Variants in RANBP2 observed in about 807,000 individuals in gnomAD.
RANBP2 encodes the protein RAN binding protein 2, also known as E3 SUMO-protein ligase RanBP2.
RANBP2 carries 57 observed loss-of-function variants against 303.6 expected under a neutral mutation model. The observed-to-expected ratio is 0.19, with a 90% confidence interval of 0.15 to 0.23. The LOEUF is 0.23. RANBP2 is among the 10% of genes least tolerant of loss of function. The pLI, the probability that RANBP2 is intolerant of heterozygous loss-of-function variation, is 1.00. For missense variants in RANBP2, 3,138 were observed against 3,780.8 expected, an observed-to-expected ratio of 0.83 and a Z score of 4.46; for synonymous variants, 1,167 against 1,301.5, an observed-to-expected ratio of 0.90 and a Z score of 2.23.
the RANBP2 span, among the ~76,000 whole-genome samples, chr2:109,720,929 T>C: frequency 6.6e-6 from 1 of 152,150 alleles, no homozygotes; most frequent in African/African-American, 2.4e-5. Flanking sequence ...TGGGCACCTT[T>C]CTAGCTAGGC....
At chr2:109,589,866 T>A in the RANBP2 span, among the ~76,000 whole-genome samples, 94 of 152,024 alleles carry the variant, frequency 6.2e-4, no homozygotes, top group Non-Finnish European at 7.8e-4. Context: ...ATCAAACAAG[T>A]GGTGAATAGA....
rs748872745 is a variant in RANBP2 at position 108,782,390 on chromosome 2, C to T, written c.9023C>T (p.Ser3008Leu). The T allele has an allele frequency of 1.2e-6, 2 of 1,613,982 alleles. No individual in the cohort carries two copies. Among genetic ancestry groups the T allele is most frequent in the Admixed American group, 1.7e-5 (1 of 60,030 alleles). The stretch of plus-strand genomic sequence containing the variant: ...AATAATGCTTTAGTTTGGACTGCCT[C>T]AGATTATGCTGGTGAGTTTTTACAT... ...VSNNALVWTA[S>L]DYADGEAKVE... The change falls in exon 27 of 29, where the codon TCA becomes TTA. Residue 3008 changes from serine (S) to leucine (L), a missense_variant. Physicochemically the swap from Ser to Leu is moderately radical, Grantham distance 145. Around this residue, in one of 20 missense-constraint regions of RANBP2, gnomAD observed 204 missense variants for 228.4 expected, o/e 0.89. Coordinates refer to ENST00000283195, the MANE Select transcript of RANBP2 (RefSeq NM_006267.5).
chr2:109,237,702 A>C, the RANBP2 span, among the ~76,000 whole-genome samples: 20 of 152,172 alleles, frequency 1.3e-4, no homozygotes, highest in Non-Finnish European at 2.8e-4. Flanking sequence ...AAGACAAAAG[A>C]TTGGACACTC....
the RANBP2 span, among the ~76,000 whole-genome samples, chr2:109,214,619 T>C: frequency 6.6e-6 from 1 of 152,034 alleles, no homozygotes; most frequent in African/African-American, 2.4e-5. Context: ...GAGGAGGACA[T>C]CTGAACAGCC....
the RANBP2 span, among the ~76,000 whole-genome samples, chr2:109,371,862 G>A: frequency 3.1e-4 from 47 of 152,344 alleles, no homozygotes; most frequent in Non-Finnish European, 6.2e-4. Context: ...AGTGCTGTGA[G>A]CACTGCCTTG....
At chr2:109,614,541 G>A in the RANBP2 span, 1 of 1,313,676 alleles carries the variant, frequency 7.6e-7, no homozygotes, top group Non-Finnish European at 9.6e-7. Flanking sequence ...CCCCGAGGCG[G>A]TGCTGCGCTT....
chr2:109,545,875 T>G, the RANBP2 span: 1 of 1,448,182 alleles, frequency 6.9e-7, no homozygotes, highest in Non-Finnish European at 9.1e-7. Flanking sequence ...TTCTGGATGC[T>G]GGGGAAACAG....
the RANBP2 span, among the ~76,000 whole-genome samples, chr2:109,178,576 C>T: frequency 0.29 from 43,940 of 152,022 alleles, 6,802 homozygotes; most frequent in East Asian, 0.42. Context: ...CCTTTGGACT[C>T]AAATACGTTA....
chr2:109,598,455 G>A, the RANBP2 span, among the ~76,000 whole-genome samples: 5 of 152,144 alleles, frequency 3.3e-5, no homozygotes, highest in African/African-American at 1.2e-4. Flanking sequence ...TTTTTAAACT[G>A]TCCCTTGGGA....
At chr2:109,053,538 A>G in the RANBP2 span, among the ~76,000 whole-genome samples, 1 of 152,182 alleles carries the variant, frequency 6.6e-6, no homozygotes, top group African/African-American at 2.4e-5. Flanking sequence ...GCCCTTTCAG[A>G]CCAGACTTTC....
At chr2:108,998,930 A>AG in the RANBP2 span, among the ~76,000 whole-genome samples, 80 of 152,324 alleles carry the variant, frequency 5.3e-4, 1 homozygote, top group East Asian at 0.015. Context: ...GTTCCCTGCT[A>AG]GCCTCACTGT....
At chr2:108,787,401 T>A (rs570616712), downstream of RANBP2, among the ~76,000 whole-genome samples, 8 of 152,338 alleles carry the variant, frequency 5.3e-5, no homozygotes, top group African/African-American at 1.4e-4. Flanking sequence ...CCCTTTGAAC[T>A]ATTTGAGGGT....
chr2:108,750,891 T>G (rs1198612445), intron 9 of RANBP2, among the ~76,000 whole-genome samples: 1 of 152,236 alleles, frequency 6.6e-6, no homozygotes, highest in Non-Finnish European at 1.5e-5. Context: ...TGGATTAATA[T>G]AGTGGTGTTC....
chr2:109,041,506 A>G, the RANBP2 span, among the ~76,000 whole-genome samples: 1 of 148,118 alleles, frequency 6.8e-6, no homozygotes, highest in Non-Finnish European at 1.5e-5. Context: ...TTTTAAAAAT[A>G]TATAATTAAC....
the RANBP2 span, among the ~76,000 whole-genome samples, chr2:109,154,656 G>T: frequency 1.3e-5 from 2 of 152,302 alleles, no homozygotes; most frequent in Non-Finnish European, 2.9e-5. Context: ...AATACTTTTG[G>T]CCTTGCTGTA....
At chr2:109,285,033 G>C in the RANBP2 span, among the ~76,000 whole-genome samples, 1 of 152,212 alleles carries the variant, frequency 6.6e-6, no homozygotes, top group Non-Finnish European at 1.5e-5. Flanking sequence ...CTGTGCCGCG[G>C]GGCCTCTGCT....
At chr2:108,772,847 T>C (rs1677606706) in intron 22 of RANBP2, 21 bp from the exon 23 acceptor site, 1 of 1,611,874 alleles carries the variant, frequency 6.2e-7, no homozygotes, top group African/African-American at 1.3e-5. Flanking sequence ...TTCGTTTGCT[T>C]GTGTTGTACT....
chr2:109,375,543 T>G, the RANBP2 span, among the ~76,000 whole-genome samples: 2 of 152,250 alleles, frequency 1.3e-5, no homozygotes, highest in Non-Finnish European at 2.9e-5. Context: ...CTTCTGGGTC[T>G]TTAGCCCTTG....
At chr2:109,574,931 C>T in the RANBP2 span, among the ~76,000 whole-genome samples, 1 of 152,160 alleles carries the variant, frequency 6.6e-6, no homozygotes, top group Non-Finnish European at 1.5e-5. Context: ...AGAACATGCG[C>T]AAAAGCTATA....
Sources: gnomAD v4.1 joint callset for allele counts (sites outside exome capture counted in the v4.1 genomes callset) on GRCh38, gnomAD v4.1.1 for gene constraint, gnomAD v4.1.1 regional missense constraint, MANE v1.5 for transcripts, NCBI Gene and HGNC (gene_info 2026-07-23, HGNC 2026-07-21) for gene names.